Variants in ATG10 observed in about 807,000 individuals in gnomAD.
ATG10 encodes the protein autophagy related 10.
ATG10 carries 30 observed loss-of-function variants against 32.1 expected under a neutral mutation model. That is an observed-to-expected ratio of 0.94 (90% CI 0.70 to 1.27). ATG10 has a LOEUF of 1.27. Ranked by LOEUF, ATG10 falls within the 50% of genes most tolerant of loss-of-function variation. The probability of loss-of-function intolerance (pLI) is 0.00; values close to 1 mark genes in which losing one functional copy is unlikely to be tolerated. For missense variants in ATG10, 233 were observed against 262.3 expected (o/e 0.89, Z 0.77); for synonymous variants, 87 against 91.5 (o/e 0.95, Z 0.28).
At chr5:82,026,678 T>TA (rs1251422296) in intron 2 of ATG10, among the ~76,000 whole-genome samples, 3 of 152,214 alleles carry the variant, frequency 2.0e-5, no homozygotes, top group Non-Finnish European at 4.4e-5. Flanking sequence ...TTTTGGGAAT[T>TA]AAAAAATACT....
intron 5 of ATG10, among the ~76,000 whole-genome samples, chr5:82,233,383 T>C (rs1017711574): frequency 2.6e-5 from 4 of 152,224 alleles, no homozygotes; most frequent in African/African-American, 7.2e-5. Flanking sequence ...TATCTGTTAA[T>C]TTAAACTGAA....
chr5:82,168,441 T>G (rs1343359930), intron 4 of ATG10, among the ~76,000 whole-genome samples: 1 of 152,228 alleles, frequency 6.6e-6, no homozygotes, highest in Non-Finnish European at 1.5e-5. Flanking sequence ...TTCAAAACAT[T>G]TAATTCTTTG....
intron 5 of ATG10, among the ~76,000 whole-genome samples, chr5:82,224,647 T>G (rs1746049999): frequency 6.6e-6 from 1 of 151,922 alleles, no homozygotes; most frequent in South Asian, 2.1e-4. Flanking sequence ...ACTGTGGAAG[T>G]GATTGTCTTC....
chr5:82,085,618 C>T (rs1764654582), intron 3 of ATG10, among the ~76,000 whole-genome samples: 1 of 151,328 alleles, frequency 6.6e-6, no homozygotes, highest in African/African-American at 2.4e-5. Context: ...TGTCCATGTA[C>T]CCTAGAACTT....
intron 2 of ATG10, among the ~76,000 whole-genome samples, chr5:82,002,404 C>T (rs1052314037): frequency 6.6e-6 from 1 of 152,096 alleles, no homozygotes; most frequent in African/African-American, 2.4e-5. Context: ...TGCCCATCAA[C>T]AGTAGACTGG....
At position 81,972,218 on chromosome 5, in the gene ATG10, G is replaced by A. The variant is rs1349464313; in HGVS notation, c.-101G>A. On this transcript the variant is annotated 5_prime_UTR_variant, in exon 1 of 8. Transcript: ENST00000282185. Reference sequence around the variant, plus strand: ...CGCGGCAGTGGCCTCGCAGGGCGCTGGGTCCCTCTCCCCAGCTCTCCTCCC... The same window carrying A: ...CGCGGCAGTGGCCTCGCAGGGCGCTAGGTCCCTCTCCCCAGCTCTCCTCCC... 6.6e-6 allele frequency: 1 copy of A among 152,422 alleles called. No individual in the cohort carries two copies. The highest frequency in any genetic ancestry group is 1.5e-5 in the Non-Finnish European group (1 of 68,170). The allele number at this position is 152,422 out of a possible 1,614,324, so 9.4% of individuals were successfully genotyped here.
intron 3 of ATG10, among the ~76,000 whole-genome samples, chr5:82,124,989 G>A (rs189397918): frequency 9.2e-5 from 14 of 152,230 alleles, no homozygotes; most frequent in African/African-American, 3.4e-4. Flanking sequence ...ATTCTAACTG[G>A]CATGAGATGG....
At chr5:82,090,958 A>G (rs1166282154) in intron 3 of ATG10, among the ~76,000 whole-genome samples, 1 of 152,202 alleles carries the variant, frequency 6.6e-6, no homozygotes, top group Non-Finnish European at 1.5e-5. Context: ...AATGCAGGTG[A>G]TTTTAATAAT....
rs77004963 is a variant in ATG10 at position 82,175,887 on chromosome 5, G to T, written c.356-2603G>T. ...ATTGTTTATTTTCACACACACACAC[G>T]CACACACACACACACACACACCCCA... On this transcript the variant is annotated intron_variant, in intron 4 of 7. Coordinates refer to ENST00000282185, the MANE Select transcript of ATG10 (RefSeq NM_031482.5). 2.3e-5 allele frequency among the ~76,000 whole-genome samples: 3 copies of T among 129,496 alleles called. No individual in the cohort carries two copies. The South Asian group carries it at 7.7e-4, about 33-fold the overall frequency. The allele number at this position is 129,496 out of a possible 152,430, so 85.0% of individuals were successfully genotyped here.
chr5:82,054,104 C>G (rs1763511517), intron 2 of ATG10, among the ~76,000 whole-genome samples: 1 of 152,108 alleles, frequency 6.6e-6, no homozygotes, highest in Non-Finnish European at 1.5e-5. Flanking sequence ...GAATTGAGTG[C>G]AGTGGTTCTC....
At chr5:82,047,592 A>G (rs1466938408) in intron 2 of ATG10, among the ~76,000 whole-genome samples, 5 of 152,184 alleles carry the variant, frequency 3.3e-5, no homozygotes, top group African/African-American at 7.2e-5. Context: ...CAGGTCACCA[A>G]ATTCCCACCT....
chr5:82,059,733 C>T (rs1763709435), intron 3 of ATG10, among the ~76,000 whole-genome samples: 1 of 152,030 alleles, frequency 6.6e-6, no homozygotes, highest in Admixed American at 6.6e-5. Context: ...AGACATCAGC[C>T]CCCTTGCCTG....
At chr5:82,073,578 G>C (rs1764189836) in intron 3 of ATG10, 1 of 152,164 alleles carries the variant, frequency 6.6e-6, no homozygotes, top group African/African-American at 2.4e-5. Flanking sequence ...CTAGAAAATG[G>C]GATCCCAAAT....
intron 3 of ATG10, among the ~76,000 whole-genome samples, chr5:82,125,231 T>C (rs536623374): frequency 7.9e-4 from 120 of 152,338 alleles, no homozygotes; most frequent in African/African-American, 2.5e-3. Flanking sequence ...TCCCATTCTG[T>C]AGGTTGCCTG....
At chr5:82,208,966 T>G (rs1422944911) in intron 5 of ATG10, among the ~76,000 whole-genome samples, 2 of 152,212 alleles carry the variant, frequency 1.3e-5, no homozygotes, top group African/African-American at 4.8e-5. Flanking sequence ...ATTTTTTTTC[T>G]TATAATGTCC....
chr5:82,024,723 A>G (rs576548549), intron 2 of ATG10, among the ~76,000 whole-genome samples: 17 of 152,350 alleles, frequency 1.1e-4, no homozygotes, highest in African/African-American at 3.8e-4. Context: ...CAGTACCCTG[A>G]GAAAACAGCC....
At chr5:82,202,611 T>C (rs748530417) in intron 5 of ATG10, among the ~76,000 whole-genome samples, 1 of 152,184 alleles carries the variant, frequency 6.6e-6, no homozygotes, top group Non-Finnish European at 1.5e-5. Flanking sequence ...ACTCTAGGGA[T>C]CTCAGAGGCT....
chr5:82,054,228 T>C (rs929337977), intron 2 of ATG10, among the ~76,000 whole-genome samples: 4 of 152,164 alleles, frequency 2.6e-5, no homozygotes, highest in Non-Finnish European at 4.4e-5. Flanking sequence ...GCAGCTTGGA[T>C]TGAGAACCAT....
chr5:82,020,733 A>G (rs1444243281), intron 2 of ATG10, among the ~76,000 whole-genome samples: 1 of 152,186 alleles, frequency 6.6e-6, no homozygotes, highest in Non-Finnish European at 1.5e-5. Flanking sequence ...GAAGAGAGAA[A>G]GTAGAAATAC....
Sources: allele counts gnomAD v4.1 joint callset (sites outside exome capture counted in the v4.1 genomes callset), GRCh38; gene constraint gnomAD v4.1.1; transcripts MANE v1.5; gene names NCBI Gene and HGNC (gene_info 2026-07-23, HGNC 2026-07-21).